Variants in PADI3 observed in about 807,000 individuals in gnomAD.
The protein encoded by PADI3 is peptidyl arginine deiminase 3, also known as protein-arginine deiminase type-3.
In PADI3, 53 loss-of-function variants were observed where a neutral mutation model predicts 71.5. That is an observed-to-expected ratio of 0.74 (90% CI 0.59 to 0.93). The LOEUF (loss-of-function observed/expected upper bound fraction) is 0.93. PADI3 is among the 40% of genes least tolerant of loss of function. The pLI is 0.00. For missense variants in PADI3, 821 were observed against 868.0 expected, an observed-to-expected ratio of 0.95 and a Z score of 0.68; for synonymous variants, 361 against 347.5, an observed-to-expected ratio of 1.04 and a Z score of -0.43.
At chr1:17,282,264 A>T (rs1266545994) in intron 15 of PADI3, among the ~76,000 whole-genome samples, 1 of 152,166 alleles carries the variant, frequency 6.6e-6, no homozygotes, top group Non-Finnish European at 1.5e-5. Flanking sequence ...TGAGGGCAGG[A>T]TAGCTGCAGC....
chr1:17,251,325 G>T (rs1466471876), intron 1 of PADI3, among the ~76,000 whole-genome samples: 5 of 152,184 alleles, frequency 3.3e-5, no homozygotes, highest in African/African-American at 4.8e-5. Context: ...TAACAATCCT[G>T]GGTCCTCAGC....
At chr1:17,270,018 G>A (rs2073224678) in intron 6 of PADI3, among the ~76,000 whole-genome samples, 1 of 152,254 alleles carries the variant, frequency 6.6e-6, no homozygotes, top group Admixed American at 6.5e-5. Context: ...CTCCAAAAAG[G>A]TATGAGCGCC....
chr1:17,259,538 A>G, intron 1 of PADI3, 40 bp from the exon 2 acceptor site: 1 of 1,522,486 alleles, frequency 6.6e-7, no homozygotes, highest in Non-Finnish European at 8.8e-7. Context: ...AGCAAAATAT[A>G]TCTCCTTCGG....
In PADI3 at chr1:17,249,101, G is replaced by T; in HGVS notation, c.-37G>T. ...CATCCTAAGGGGCCTCAGGGGCAGT[G>T]TTGGGGTTGGCGGCCACAGCTAAGT... On this transcript the variant is annotated 5_prime_UTR_variant, in exon 1 of 16. Coordinates refer to ENST00000375460, the MANE Select transcript of PADI3 (RefSeq NM_016233.2). 6.3e-7 allele frequency: 1 copy of T among 1,577,872 alleles called. No homozygotes were observed. Among genetic ancestry groups the T allele is most frequent in the South Asian group, 1.1e-5 (1 of 90,310 alleles).
intron 1 of PADI3, among the ~76,000 whole-genome samples, chr1:17,249,929 G>A (rs2072943968): frequency 6.6e-6 from 1 of 152,166 alleles, no homozygotes; most frequent in Non-Finnish European, 1.5e-5. Context: ...TCTGATACTT[G>A]GAAAATAAAG....
rs543248246 is a variant in PADI3 at position 17,280,861 on chromosome 1, A to C, written c.1761+65A>C. On this transcript the variant is annotated intron_variant, in intron 15 of 15. Transcript: ENST00000375460. ...GCAAACCTCTAAGCTCGAGAGAGGA[A>C]AAATGTCTGGTCACAGTCATATTTA... 1.9e-3 allele frequency: 2,969 copies of C among 1,581,792 alleles called. 8 individuals are homozygous for C. Among genetic ancestry groups the C allele is most frequent in the Non-Finnish European group, 1.9e-3 (2,194 of 1,157,922 alleles).
intron 13 of PADI3, among the ~76,000 whole-genome samples, chr1:17,277,297 C>A (rs1019403275): frequency 2.6e-5 from 4 of 152,086 alleles, no homozygotes; most frequent in Non-Finnish European, 5.9e-5. Flanking sequence ...CAAGTTCAAG[C>A]GATTCTCCTG....
At chr1:17,274,223 G>T (rs529855332) in intron 10 of PADI3, among the ~76,000 whole-genome samples, 4 of 137,506 alleles carry the variant, frequency 2.9e-5, no homozygotes, top group South Asian at 2.2e-4. Context: ...TTCAAAGACA[G>T]AGGCCCAGAG....
intron 2 of PADI3, among the ~76,000 whole-genome samples, chr1:17,261,472 G>A (rs1004010975): frequency 2.0e-5 from 3 of 152,206 alleles, no homozygotes. Flanking sequence ...CAAAAGTGGG[G>A]GATTCAGAAT....
chr1:17,262,029 G>A, intron 2 of PADI3, 104 bp from the exon 3 acceptor site: 1 of 944,316 alleles, frequency 1.1e-6, no homozygotes, highest in South Asian at 1.4e-5. Context: ...AAAGAGCAAG[G>A]TTCCTTGGGC....
At chr1:17,260,052 C>T (rs868665180) in intron 2 of PADI3, among the ~76,000 whole-genome samples, 4 of 152,204 alleles carry the variant, frequency 2.6e-5, no homozygotes, top group African/African-American at 9.7e-5. Flanking sequence ...GCCAGTGTTG[C>T]TCCTTCTCTT....
chr1:17,258,420 G>T (rs2100562508), intron 1 of PADI3, among the ~76,000 whole-genome samples: 1 of 152,382 alleles, frequency 6.6e-6, no homozygotes, highest in South Asian at 2.1e-4. Context: ...GTCAAAGGAT[G>T]CATAGTCTGG....
intron 9 of PADI3, among the ~76,000 whole-genome samples, chr1:17,272,623 C>T (rs1194870080): frequency 6.6e-6 from 1 of 152,160 alleles, no homozygotes; most frequent in East Asian, 1.9e-4. Flanking sequence ...CCTTCTGCCT[C>T]AGTCTCCCGA....
chr1:17,262,182 CG>C lies in PADI3; in HGVS notation c.325del (p.Val109CysfsTer15). ...CATGAGCCTCTGCCCCTGGCCTATG[CG>C]GTGCTCTACCTCACCTGTGTTGGTA... ...SSHEPLPLAY[A>X]VLYLTCVDIS... On this transcript the variant is annotated frameshift_variant, in exon 3 of 16. Transcript: ENST00000375460. LOFTEE classifies it high-confidence loss of function. 6.2e-7 allele frequency: 1 copy of C among 1,611,964 alleles called. No homozygotes were observed. The highest frequency in any genetic ancestry group is 1.1e-5 in the South Asian group (1 of 90,666).
chr1:17,258,286 T>G (rs1006031276), intron 1 of PADI3, among the ~76,000 whole-genome samples: 14 of 152,202 alleles, frequency 9.2e-5, no homozygotes, highest in African/African-American at 3.1e-4. Context: ...CCTGTGGCCT[T>G]GAGCCCCATC....
chr1:17,260,788 G>A (rs746975734), intron 2 of PADI3, among the ~76,000 whole-genome samples: 2 of 152,212 alleles, frequency 1.3e-5, no homozygotes, highest in Non-Finnish European at 2.9e-5. Context: ...GGCAGAGCTG[G>A]TGAGAGTCAG....
At chr1:17,265,490 GC>G (rs140933221) in intron 3 of PADI3, among the ~76,000 whole-genome samples, 168 bp from the exon 4 acceptor site, 3,822 of 152,236 alleles carry the variant, frequency 0.025, 153 homozygotes, top group African/African-American at 0.087. Context: ...CCTGCTTCTT[GC>G]CTCAGGCCTC....
intron 9 of PADI3, among the ~76,000 whole-genome samples, chr1:17,271,824 C>T (rs921213944): frequency 3.9e-5 from 4 of 103,008 alleles, no homozygotes; most frequent in Non-Finnish European, 7.6e-5. Flanking sequence ...ACTCCAGCCT[C>T]AGCAACAACA....
chr1:17,255,027 A>G (rs951521778), intron 1 of PADI3, among the ~76,000 whole-genome samples: 4 of 152,188 alleles, frequency 2.6e-5, no homozygotes, highest in African/African-American at 9.7e-5. Flanking sequence ...ACCAGGCTCC[A>G]GCATTTCTAA....
Sources: gnomAD v4.1 joint callset for allele counts (sites outside exome capture counted in the v4.1 genomes callset) on GRCh38, gnomAD v4.1.1 for gene constraint, MANE v1.5 for transcripts, NCBI Gene and HGNC (gene_info 2026-07-23, HGNC 2026-07-21) for gene names.